RUNX2: variants seen among roughly 807,000 people sequenced by gnomAD.
RUNX2 encodes the protein RUNX family transcription factor 2.
In RUNX2, 10 loss-of-function variants were observed where a neutral mutation model predicts 51.7. That is an observed-to-expected ratio of 0.19 (90% CI 0.12 to 0.33). RUNX2 has a LOEUF of 0.33. Among genes scored for constraint, RUNX2 ranks in the 10% least tolerant of loss-of-function variants. RUNX2 has a pLI of 1.00. For missense variants in RUNX2, 562 were observed against 691.3 expected (o/e 0.81, Z 2.10); for synonymous variants, 276 against 273.6 (o/e 1.01, Z -0.09).
rs573668161 is a variant in RUNX2 at position 45,422,623 on chromosome 6, C to A, written c.89C>A (p.Pro30His). The change falls in exon 3 of 9, where the codon CCC becomes CAC. Residue 30 changes from proline to histidine, a missense_variant. By Grantham distance (77) the Pro-to-His change is moderately conservative. Transcript: ENST00000647337. ...DPSTSRRFSPPSSSLQPGKMS... is the reference protein window; with the variant it reads ...DPSTSRRFSPHSSSLQPGKMS... The stretch of plus-strand genomic sequence containing the variant: ...AGCACCAGCCGGCGCTTCAGCCCCC[C>A]CTCCAGCAGCCTGCAGCCCGGCAAA... 1.2e-6 allele frequency: 2 copies of A among 1,606,964 alleles called. No homozygotes were observed. The highest frequency in any genetic ancestry group is 1.3e-5 in the African/African-American group (1 of 74,740).
In RUNX2 at chr6:45,485,565, G is replaced by GTAATTCTA. The variant is rs1800247543; in HGVS notation, c.686-6374_686-6373insATTCTATA. Among the ~76,000 whole-genome samples the GTAATTCTA allele has an allele frequency of 2.0e-5, 3 of 151,712 alleles. No homozygotes were observed. The South Asian group carries it at 6.3e-4, about 32-fold the overall frequency. ...CATAGCTTAGAAGAATTAATGTATA[G>GTAATTCTA]TAGTAAGACTAGAGTTATAAAGTGG... On this transcript the variant is annotated intron_variant, in intron 5 of 8. Coordinates refer to ENST00000647337, the MANE Select transcript of RUNX2 (RefSeq NM_001024630.4).
At chr6:45,382,124 C>T (rs951865409) in intron 2 of RUNX2, among the ~76,000 whole-genome samples, 4 of 152,120 alleles carry the variant, frequency 2.6e-5, no homozygotes, top group East Asian at 1.9e-4. Context: ...TAGTTGTTCC[C>T]GTTCCCATGG....
intron 6 of RUNX2, among the ~76,000 whole-genome samples, chr6:45,507,785 A>C (rs1003396213): frequency 6.6e-6 from 1 of 152,240 alleles, no homozygotes; most frequent in Non-Finnish European, 1.5e-5. Flanking sequence ...TGTGAACTAC[A>C]CGGTACAGGA....
At chr6:45,332,117 T>C (rs1338033942) in intron 2 of RUNX2, among the ~76,000 whole-genome samples, 2 of 151,964 alleles carry the variant, frequency 1.3e-5, no homozygotes, top group Admixed American at 6.6e-5. Context: ...TTTCTAGTGC[T>C]TCAAAATTCA....
chr6:45,463,998 C>A (rs1170666604), intron 5 of RUNX2, among the ~76,000 whole-genome samples: 4 of 152,106 alleles, frequency 2.6e-5, no homozygotes, highest in Non-Finnish European at 4.4e-5. Flanking sequence ...TCGAGACCAT[C>A]CTGGTTAACA....
chr6:45,491,236 C>T (rs1019207250), intron 5 of RUNX2, among the ~76,000 whole-genome samples: 1 of 152,116 alleles, frequency 6.6e-6, no homozygotes, highest in African/African-American at 2.4e-5. Context: ...TCCAAAACCA[C>T]AGTAGTGGAT....
chr6:45,346,385 G>A lies in RUNX2; in HGVS notation c.58+17601G>A, dbSNP rs767465959. ...AGGGTGAGAGGGTAGCTAGAACCTCGCATGCCCTCCTGAGCAGCCCCACAG... is the reference window on the plus strand; with the variant it reads ...AGGGTGAGAGGGTAGCTAGAACCTCACATGCCCTCCTGAGCAGCCCCACAG... On this transcript the variant is annotated intron_variant, in intron 2 of 8. Transcript: ENST00000647337. 1.8e-4 allele frequency among the ~76,000 whole-genome samples: 27 copies of A among 152,022 alleles called. 1 individual carries two copies. The highest frequency in any genetic ancestry group is 3.7e-4 in the Non-Finnish European group (25 of 67,986).
At chr6:45,423,181 A>C (rs1798274678) in intron 3 of RUNX2, among the ~76,000 whole-genome samples, 1 of 150,996 alleles carries the variant, frequency 6.6e-6, no homozygotes, top group South Asian at 2.1e-4. Context: ...GCCCGCTGCC[A>C]CCCCGACTTC....
chr6:45,382,708 A>G (rs1203262864), intron 2 of RUNX2, among the ~76,000 whole-genome samples: 1 of 152,220 alleles, frequency 6.6e-6, no homozygotes, highest in African/African-American at 2.4e-5. Flanking sequence ...TGTGCCTGAC[A>G]CTGAGAGGCT....
At chr6:45,338,412 G>C (rs886066860) in intron 2 of RUNX2, among the ~76,000 whole-genome samples, 2 of 151,712 alleles carry the variant, frequency 1.3e-5, no homozygotes, top group African/African-American at 4.8e-5. Context: ...CAATAAAACT[G>C]GTATCATTTC....
chr6:45,421,712 G>A (rs1396456221), intron 2 of RUNX2: 4 of 152,256 alleles, frequency 2.6e-5, no homozygotes, highest in Non-Finnish European at 2.9e-5. Flanking sequence ...CCCCTAGTCT[G>A]GGGCCGCCTC....
intron 2 of RUNX2, among the ~76,000 whole-genome samples, chr6:45,406,828 A>G (rs1018023658): frequency 3.9e-5 from 6 of 152,184 alleles, no homozygotes. Context: ...TTTCCAAACC[A>G]ATCTCCAGCC....
chr6:45,537,112 C>A (rs536203919), intron 7 of RUNX2, among the ~76,000 whole-genome samples: 2 of 152,294 alleles, frequency 1.3e-5, no homozygotes, highest in East Asian at 1.9e-4. Flanking sequence ...GAGTCTCATG[C>A]AATGAGTTTA....
At chr6:45,542,056 A>G (rs1001855396) in intron 7 of RUNX2, among the ~76,000 whole-genome samples, 13 of 152,072 alleles carry the variant, frequency 8.5e-5, no homozygotes, top group African/African-American at 2.9e-4. Context: ...AGTGGGAGCC[A>G]AACGTGACTC....
chr6:45,395,591 G>A (rs903984414), intron 2 of RUNX2, among the ~76,000 whole-genome samples: 2 of 152,172 alleles, frequency 1.3e-5, no homozygotes, highest in African/African-American at 4.8e-5. Context: ...AAAAGAGGAG[G>A]CAATTTCTAT....
intron 7 of RUNX2, among the ~76,000 whole-genome samples, chr6:45,521,194 A>T (rs374888732): frequency 6.6e-4 from 100 of 152,250 alleles, no homozygotes; most frequent in African/African-American, 2.2e-3. Flanking sequence ...GAAGATTTTA[A>T]AAAAAAGAGG....
chr6:45,533,178 G>A (rs550892960), intron 7 of RUNX2, among the ~76,000 whole-genome samples: 2 of 151,784 alleles, frequency 1.3e-5, no homozygotes, highest in African/African-American at 2.4e-5. Flanking sequence ...GAATGTTATC[G>A]AACAGAGTAG....
chr6:45,337,060 A>T (rs184403565), intron 2 of RUNX2, among the ~76,000 whole-genome samples: 142 of 151,840 alleles, frequency 9.4e-4, no homozygotes, highest in African/African-American at 3.1e-3. Flanking sequence ...CTACATAGCA[A>T]CAATAATATA....
chr6:45,385,073 G>A (rs560750387), intron 2 of RUNX2, among the ~76,000 whole-genome samples: 6 of 152,238 alleles, frequency 3.9e-5, no homozygotes, highest in Admixed American at 1.3e-4. Flanking sequence ...TACTGAGGAC[G>A]TAGTAAGTAC....
Sources: allele counts gnomAD v4.1 joint callset (sites outside exome capture counted in the v4.1 genomes callset), GRCh38; gene constraint gnomAD v4.1.1; transcripts MANE v1.5; gene names NCBI Gene and HGNC (gene_info 2026-07-23, HGNC 2026-07-21).